The following SLC8A1 variants were observed in gnomAD, a reference collection of about 807,000 sequenced individuals.
The protein encoded by SLC8A1 is solute carrier family 8 member A1.
SLC8A1 carries 18 observed loss-of-function variants against 68.3 expected under a neutral mutation model. That is an observed-to-expected ratio of 0.26 (90% confidence interval 0.18 to 0.39). The LOEUF is 0.39. Among genes scored for constraint, SLC8A1 ranks in the 10% least tolerant of loss-of-function variants. SLC8A1 has a pLI of 1.00. For missense variants in SLC8A1, 985 were observed against 1,156.7 expected, an observed-to-expected ratio of 0.85 and a Z score of 2.15; for synonymous variants, 475 against 415.5, an observed-to-expected ratio of 1.14 and a Z score of -1.74.
At chr2:40,242,469 C>T (rs926972086) in intron 2 of SLC8A1, among the ~76,000 whole-genome samples, 1 of 152,134 alleles carries the variant, frequency 6.6e-6, no homozygotes, top group Middle Eastern at 3.2e-3. Flanking sequence ...ATGGCATGTG[C>T]TCTGAGCAGA....
chr2:40,379,410 C>G lies in SLC8A1; in HGVS notation c.1808+49063G>C, dbSNP rs540674253. ...TCATATGATTTTTGTTTTCTTCCTTCAACCATAATAAGATGATACTTAAAT... is the reference window on the plus strand; with the variant it reads ...TCATATGATTTTTGTTTTCTTCCTTGAACCATAATAAGATGATACTTAAAT... On this transcript the variant is annotated intron_variant, in intron 2 of 7. Transcript: ENST00000406785. Among the ~76,000 whole-genome samples the G allele has an allele frequency of 2.6e-5, 4 of 152,170 alleles. No individual in the cohort carries two copies. In the South Asian group the frequency reaches 8.3e-4, roughly 32 times the overall value.
intron 2 of SLC8A1, among the ~76,000 whole-genome samples, chr2:40,354,125 C>G (rs1219598220): frequency 1.3e-5 from 2 of 152,160 alleles, no homozygotes; most frequent in African/African-American, 4.8e-5. Flanking sequence ...AGATCTCCCT[C>G]CATATGCGCT....
intron 2 of SLC8A1, among the ~76,000 whole-genome samples, chr2:40,338,963 A>G (rs558937464): frequency 3.9e-5 from 6 of 152,350 alleles, no homozygotes; most frequent in Non-Finnish European, 8.8e-5. Context: ...TCCAAGCCAC[A>G]GACAGTGAAC....
chr2:40,435,583 C>G (rs945674595), intron 1 of SLC8A1, among the ~76,000 whole-genome samples: 3 of 152,212 alleles, frequency 2.0e-5, no homozygotes, highest in African/African-American at 7.2e-5. Context: ...AAACAGAAGT[C>G]AGGCCCCTGC....
chr2:40,253,022 TGTATATACATATGTATCA>T (rs1197707906), intron 2 of SLC8A1, among the ~76,000 whole-genome samples: 8 of 100,052 alleles, frequency 8.0e-5, no homozygotes, highest in Non-Finnish European at 2.0e-4. Flanking sequence ...TCTGTATATA[TGTATATACATATGTATCA>T]GTATATGTAT....
intron 1 of SLC8A1, among the ~76,000 whole-genome samples, chr2:40,434,087 G>A (rs999670880): frequency 1.3e-5 from 2 of 152,262 alleles, no homozygotes; most frequent in Non-Finnish European, 2.9e-5. Context: ...AAAAAGCCCT[G>A]CCCTTTATCC....
rs985117551 is a variant in SLC8A1 at position 40,339,528 on chromosome 2, C to T, written c.1808+88945G>A. 4.6e-5 allele frequency among the ~76,000 whole-genome samples: 7 copies of T among 152,184 alleles called. No individual in the cohort carries two copies. The East Asian group carries it at 9.6e-4, about 21-fold the overall frequency. On this transcript the variant is annotated intron_variant, in intron 2 of 7. Transcript: ENST00000406785. ...ATATATTCTACCATTTTCACTGTAC[C>T]AGATTGTGAAAAGATAGTAACTGAA...
chr2:40,154,001 T>C lies in SLC8A1; in HGVS notation c.2161+6764A>G, dbSNP rs374219339. The stretch of plus-strand genomic sequence containing the variant: ...ATCTGAAATGTGAGCACTTGAAACC[T>C]AAACTAAAGTTGTAGGAGGAACACC... On this transcript the variant is annotated intron_variant, in intron 6 of 7. Coordinates refer to ENST00000406785, the Ensembl canonical transcript of SLC8A1. Among the ~76,000 whole-genome samples the C allele has an allele frequency of 2.6e-5, 4 of 152,340 alleles. No homozygotes were observed. The East Asian group carries it at 5.8e-4, about 22-fold the overall frequency.
At chr2:40,191,904 T>C (rs1211481683) in intron 2 of SLC8A1, among the ~76,000 whole-genome samples, 3 of 152,128 alleles carry the variant, frequency 2.0e-5, no homozygotes, top group Non-Finnish European at 4.4e-5. Context: ...TTTGTAAATT[T>C]TGTAGGAAGT....
intron 1 of SLC8A1, among the ~76,000 whole-genome samples, chr2:40,432,241 G>C (rs562684461): frequency 6.3e-4 from 96 of 151,848 alleles, no homozygotes; most frequent in African/African-American, 2.1e-3. Context: ...CTGTCTTCTA[G>C]ATCCTGAGAA....
intron 1 of SLC8A1, among the ~76,000 whole-genome samples, chr2:40,483,668 A>G (rs1704782668): frequency 6.6e-6 from 1 of 152,226 alleles, no homozygotes; most frequent in African/African-American, 2.4e-5. Flanking sequence ...TGGTAAATAA[A>G]CAGAAGTCTC....
intron 1 of SLC8A1, among the ~76,000 whole-genome samples, chr2:40,503,518 G>GA (rs1706178578): frequency 5.9e-5 from 9 of 151,944 alleles, no homozygotes; most frequent in Non-Finnish European, 1.0e-4. Flanking sequence ...GAGTCAAACT[G>GA]TCCTTGTTTG....
At chr2:40,258,438 T>C (rs578221118) in intron 2 of SLC8A1, among the ~76,000 whole-genome samples, 34 of 152,196 alleles carry the variant, frequency 2.2e-4, no homozygotes, top group Non-Finnish European at 3.8e-4. Flanking sequence ...TATGATCTCC[T>C]GCACCAAGGC....
Position 40,507,205 on chromosome 2 carries a change from T to C in SLC8A1, c.-25+5144A>G, listed in dbSNP as rs543201349. On this transcript the variant is annotated intron_variant, in intron 1 of 7. Transcript: ENST00000402441. ...CTAACTTTCCTTTAAATGATTCTTA[T>C]CTCATTTTCCAATCGTCTTTACTTA... Among the ~76,000 whole-genome samples, 14 of 152,086 alleles carry C rather than the reference T, an allele frequency of 9.2e-5. No individual in the cohort carries two copies. The South Asian group carries it at 2.5e-3, about 27-fold the overall frequency.
intron 1 of SLC8A1, among the ~76,000 whole-genome samples, chr2:40,490,703 T>A (rs1705259620): frequency 6.6e-6 from 1 of 151,950 alleles, no homozygotes; most frequent in South Asian, 2.1e-4. Context: ...AGAATAAAAC[T>A]CAAAATGAAA....
intron 2 of SLC8A1, among the ~76,000 whole-genome samples, chr2:40,333,688 C>T (rs552354642): frequency 7.2e-5 from 11 of 152,134 alleles, no homozygotes; most frequent in South Asian, 2.1e-4. Context: ...TAAGAGTCTC[C>T]TTATCATTAT....
rs139943364 is a variant in SLC8A1 at position 40,336,692 on chromosome 2, A to T, written c.1808+91781T>A. Among the ~76,000 whole-genome samples, 374 of 152,294 alleles carry T rather than the reference A, an allele frequency of 2.5e-3. 2 individuals carry two copies. Among genetic ancestry groups the T allele is most frequent in the African/African-American group, 8.4e-3 (348 of 41,554 alleles). ...AGTTCACTTTCGTTCACAAAAATAC[A>T]GGCATGAACCTCTGTGTACTGCCAG... On this transcript the variant is annotated intron_variant, in intron 2 of 7. Transcript: ENST00000406785.
intron 2 of SLC8A1, among the ~76,000 whole-genome samples, chr2:40,319,339 G>C (rs2074900201): frequency 6.6e-6 from 1 of 152,002 alleles, no homozygotes; most frequent in Admixed American, 6.6e-5. Context: ...TATTCTTGGA[G>C]GTACAGGACT....
chr2:40,375,233 C>G (rs550140545), intron 2 of SLC8A1, among the ~76,000 whole-genome samples: 1 of 152,002 alleles, frequency 6.6e-6, no homozygotes, highest in Non-Finnish European at 1.5e-5. Flanking sequence ...AATAGAAACC[C>G]TAAGAACAGC....
Sources: gnomAD v4.1 joint callset for allele counts (sites outside exome capture counted in the v4.1 genomes callset) on GRCh38, gnomAD v4.1.1 for gene constraint, MANE v1.5 for transcripts, NCBI Gene and HGNC (gene_info 2026-07-23, HGNC 2026-07-21) for gene names.